GRIN2D: variants seen among roughly 807,000 people sequenced by gnomAD.
GRIN2D encodes glutamate ionotropic receptor NMDA type subunit 2D, also known as glutamate receptor ionotropic, NMDA 2D.
Under a neutral mutation model 103.2 loss-of-function variants are expected in GRIN2D, and 37 were observed. The observed-to-expected ratio is 0.36, with a 90% CI of 0.28 to 0.47. GRIN2D has a LOEUF of 0.47. Ranked by LOEUF, GRIN2D falls within the 20% of genes least tolerant of loss-of-function variation. The pLI is 1.00. For missense variants in GRIN2D, 1,557 were observed against 1,910.6 expected (o/e 0.81, Z 3.45); for synonymous variants, 845 against 885.6 (o/e 0.95, Z 0.81).
chr19:48,414,152 C>T lies in GRIN2D; in HGVS notation c.1200+47C>T, dbSNP rs1268299863. 1.7e-6 allele frequency: 2 copies of T among 1,185,532 alleles called. No individual in the cohort carries two copies. The highest frequency in any genetic ancestry group is 1.5e-5 in the African/African-American group (1 of 66,792). 73.4% of individuals were successfully genotyped at this position (1,185,532 alleles called of 1,614,324 possible). A position where few individuals can be genotyped will look rare whatever the true frequency, so the allele number is the denominator to read the frequency against. ...CAGGCATGGCAGAGGGTGTGGACTC[C>T]TGCATCCTGGCAGAGGGGGGGCTTG... On this transcript the variant is annotated intron_variant, in intron 5 of 13. Coordinates refer to ENST00000263269, the MANE Select transcript of GRIN2D (RefSeq NM_000836.4). This position sits in a 1 kb window ranked among gnomAD's most constrained non-coding sequence, Gnocchi z 4.6.
intron 4 of GRIN2D, among the ~76,000 whole-genome samples, chr19:48,411,342 A>AATG (rs1970857803): frequency 6.9e-6 from 1 of 144,166 alleles, no homozygotes; most frequent in African/African-American, 2.7e-5. Flanking sequence ...TAATAATAAT[A>AATG]ATAATAATAA....
chr19:48,424,003 G>C (rs1474529616), intron 11 of GRIN2D, among the ~76,000 whole-genome samples: 2 of 151,982 alleles, frequency 1.3e-5, no homozygotes, highest in Admixed American at 6.6e-5. Context: ...ATTTTTGGTA[G>C]AGATGAGGTT....
rs1311935275 is a variant in GRIN2D at position 48,421,221 on chromosome 19, T to C, written c.2092-564T>C. Among the ~76,000 whole-genome samples, 1 of 151,966 alleles carries C rather than the reference T, an allele frequency of 6.6e-6. No individual in the cohort carries two copies. Among genetic ancestry groups the C allele is most frequent in the Non-Finnish European group, 1.5e-5 (1 of 67,976 alleles). Reference sequence around the variant, plus strand: ...AGGCGGGCGGATCACCTGAGGTTGGTAGTTCGAGACCAGCCTGACCAACAT... The same window carrying C: ...AGGCGGGCGGATCACCTGAGGTTGGCAGTTCGAGACCAGCCTGACCAACAT... On this transcript the variant is annotated intron_variant, in intron 10 of 13. Coordinates refer to ENST00000263269, the MANE Select transcript of GRIN2D (RefSeq NM_000836.4). This position sits in a 1 kb window ranked among gnomAD's most constrained non-coding sequence, Gnocchi z 4.8.
At chr19:48,420,496 A>G (rs1971009100) in intron 10 of GRIN2D, among the ~76,000 whole-genome samples, 1 of 152,142 alleles carries the variant, frequency 6.6e-6, no homozygotes, top group African/African-American at 2.4e-5. Context: ...ATGAATTATT[A>G]GAAAAGTAAA....
At chr19:48,424,115 G>C (rs1971056675) in intron 11 of GRIN2D, among the ~76,000 whole-genome samples, 1 of 151,272 alleles carries the variant, frequency 6.6e-6, no homozygotes, top group Non-Finnish European at 1.5e-5. Context: ...CACCATGCCT[G>C]GCTTAAAAAA....
At chr19:48,422,376 G>A (rs1323283387) in intron 11 of GRIN2D, among the ~76,000 whole-genome samples, 1 of 152,154 alleles carries the variant, frequency 6.6e-6, no homozygotes, top group Non-Finnish European at 1.5e-5. Context: ...ACTTTCAGAG[G>A]CCAAGGCAGG....
Position 48,443,720 on chromosome 19 carries a change from C to A in GRIN2D, c.3794C>A (p.Pro1265His). Residue 1265 changes from proline to histidine, a missense_variant, in exon 14 of 14, where the codon CCC becomes CAC. By Grantham distance (77) the Pro-to-His change is moderately conservative (BLOSUM62 -2). This residue lies in a region of GRIN2D where 632 missense variants were observed against 572.8 expected (regional missense o/e 1.10). Coordinates refer to ENST00000263269, the MANE Select transcript of GRIN2D (RefSeq NM_000836.4). This position sits in a 1 kb window ranked among gnomAD's most constrained non-coding sequence, Gnocchi z 8.9. ...GCTGGGGGCTGGGACCTCCCGCCGC[C>A]CGCGCCCACCTCGCGCTCGCTCGAG... ...RAAGGWDLPP[P>H]APTSRSLEDL... is the part of the protein sequence containing the mutation. 7.5e-7 allele frequency: 1 copy of A among 1,326,048 alleles called. No homozygotes were observed. Among genetic ancestry groups the A allele is most frequent in the Non-Finnish European group, 9.6e-7 (1 of 1,040,274 alleles). 82.1% of individuals were successfully genotyped at this position (1,326,048 alleles called of 1,614,324 possible). A position where few individuals can be genotyped will look rare whatever the true frequency, so the allele number is the denominator to read the frequency against.
At chr19:48,426,784 C>G (rs553252422) in intron 11 of GRIN2D, among the ~76,000 whole-genome samples, 1 of 151,778 alleles carries the variant, frequency 6.6e-6, no homozygotes, top group East Asian at 2.0e-4. Context: ...GGGGTCTCAC[C>G]ATGTTGGCCA....
intron 11 of GRIN2D, among the ~76,000 whole-genome samples, chr19:48,439,327 A>G (rs548395923): frequency 1.3e-5 from 2 of 152,092 alleles, no homozygotes; most frequent in Non-Finnish European, 2.9e-5. Context: ...ATCTCATACC[A>G]CAGAAGAGTT....
rs2147478677 is a variant in GRIN2D at position 48,444,176 on chromosome 19, C to G, written c.*239C>G. ...GGCGGGGGCCTTGGAGCCCACCGGACTTTTTTTTAAACCCGACAAGGGCTT... is the reference window on the plus strand; with the variant it reads ...GGCGGGGGCCTTGGAGCCCACCGGAGTTTTTTTTAAACCCGACAAGGGCTT... On this transcript the variant is annotated 3_prime_UTR_variant, in exon 14 of 14. Coordinates refer to ENST00000263269, the MANE Select transcript of GRIN2D (RefSeq NM_000836.4). The surrounding 1 kb of genome is among the most constrained non-coding windows in gnomAD (Gnocchi z 5.5). 2.6e-6 allele frequency: 1 copy of G among 380,892 alleles called. No homozygotes were observed. Among genetic ancestry groups the G allele is most frequent in the East Asian group, 3.9e-5 (1 of 25,974 alleles). 23.6% of individuals were successfully genotyped at this position (380,892 alleles called of 1,614,324 possible).
chr19:48,412,513 C>T (rs976821092), intron 4 of GRIN2D, among the ~76,000 whole-genome samples: 4 of 151,748 alleles, frequency 2.6e-5, no homozygotes, highest in African/African-American at 4.8e-5. Context: ...CCAGGCCAGG[C>T]GCGGTGGCTC....
chr19:48,414,084 C>T lies in GRIN2D; in HGVS notation c.1179C>T (p.Thr393=), dbSNP rs563232119. The change falls in exon 5 of 14, where the codon ACC becomes ACT. Residue 393 remains threonine, a synonymous_variant. Coordinates refer to ENST00000263269, the MANE Select transcript of GRIN2D (RefSeq NM_000836.4). This position sits in a 1 kb window ranked among gnomAD's most constrained non-coding sequence, Gnocchi z 4.6. Reference sequence around the variant, plus strand: ...CCTCCCTGGTGGTCATCTCCCTCACCAGAGACAGGACGTGGGAGGTGGTGA... The same window carrying T: ...CCTCCCTGGTGGTCATCTCCCTCACTAGAGACAGGACGTGGGAGGTGGTGA... ...VNPSLVVISL[T]RDRTWEVVGS... 2.7e-5 allele frequency: 43 copies of T among 1,606,062 alleles called. No individual in the cohort carries two copies. The East Asian group carries it at 9.1e-4, about 34-fold the overall frequency.
At chr19:48,408,105 C>T (rs763940673) in intron 4 of GRIN2D, among the ~76,000 whole-genome samples, 4 of 151,892 alleles carry the variant, frequency 2.6e-5, no homozygotes, top group African/African-American at 4.8e-5. Flanking sequence ...GAGGCCGAGG[C>T]GGGCGGATCA....
chr19:48,412,453 G>GAAAT (rs1474368603), intron 4 of GRIN2D, among the ~76,000 whole-genome samples: 4 of 149,478 alleles, frequency 2.7e-5, no homozygotes, highest in Non-Finnish European at 5.9e-5. Flanking sequence ...AAGAAAGAAA[G>GAAAT]AAAGAAAGAA....
In GRIN2D at chr19:48,444,610, G is replaced by T. The variant is rs1971360025; in HGVS notation, c.*673G>T. 6.6e-6 allele frequency: 1 copy of T among 151,840 alleles called. No homozygotes were observed. Among genetic ancestry groups the T allele is most frequent in the Admixed American group, 6.6e-5 (1 of 15,204 alleles). The allele number at this position is 151,840 out of a possible 1,614,324, so 9.4% of individuals were successfully genotyped here. A position where few individuals can be genotyped will look rare whatever the true frequency, so the allele number is the denominator to read the frequency against. On this transcript the variant is annotated 3_prime_UTR_variant, in exon 14 of 14. Transcript: ENST00000263269. This position sits in a 1 kb window ranked among gnomAD's most constrained non-coding sequence, Gnocchi z 5.5. ...TTTTCCCTACTCTGACCTAGGACAC[G>T]TCCCCAACGGAAGCCCCGCCTTCCC...
chr19:48,424,975 G>A (rs756324738), intron 11 of GRIN2D, among the ~76,000 whole-genome samples: 13 of 151,338 alleles, frequency 8.6e-5, no homozygotes, highest in East Asian at 3.9e-4. Flanking sequence ...TTTTCTTCTC[G>A]CCAGCCCTTC....
intron 4 of GRIN2D, among the ~76,000 whole-genome samples, chr19:48,408,510 A>G (rs1193216870): frequency 6.6e-6 from 1 of 151,692 alleles, no homozygotes; most frequent in African/African-American, 2.4e-5. Flanking sequence ...AAAATAATTT[A>G]AAAAATTAAA....
chr19:48,400,934 C>T (rs901090517), intron 3 of GRIN2D, among the ~76,000 whole-genome samples: 5 of 151,970 alleles, frequency 3.3e-5, no homozygotes, highest in Admixed American at 1.3e-4. Context: ...GGCATGGTGG[C>T]GCATGCCTGT....
intron 11 of GRIN2D, among the ~76,000 whole-genome samples, chr19:48,428,268 C>G (rs569479880): frequency 1.3e-5 from 2 of 151,790 alleles, no homozygotes; most frequent in Non-Finnish European, 1.5e-5. Context: ...AACTCCTGAC[C>G]TCAGGTGATA....
Sources: gnomAD v4.1 joint callset for allele counts (sites outside exome capture counted in the v4.1 genomes callset) on GRCh38, gnomAD v4.1.1 for gene constraint, gnomAD v4.1.1 regional missense constraint, Gnocchi (gnomAD v3.1) non-coding constraint, MANE v1.5 for transcripts, NCBI Gene and HGNC (gene_info 2026-07-23, HGNC 2026-07-21) for gene names.